Variants in TP53BP1 observed in about 807,000 individuals in gnomAD.
TP53BP1 encodes the protein TP53-binding protein 1.
TP53BP1 carries 61 observed loss-of-function variants against 200.8 expected under a neutral mutation model. The ratio of observed to expected loss-of-function variants is 0.30; its 90% CI spans 0.25 to 0.38. TP53BP1 has a LOEUF of 0.38. Ranked by LOEUF, TP53BP1 falls within the 10% of genes least tolerant of loss-of-function variation. TP53BP1 has a pLI of 1.00. For missense variants in TP53BP1, 2,144 were observed against 2,371.9 expected (o/e 0.90, Z 2.00); for synonymous variants, 822 against 844.3 (o/e 0.97, Z 0.46).
rs2044931516 is a variant in TP53BP1 at position 43,407,252 on chromosome 15, A to G, written c.*131T>C. 2 of 749,800 alleles carry G rather than the reference A, an allele frequency of 2.7e-6. No individual in the cohort carries two copies. Among genetic ancestry groups the G allele is most frequent in the African/African-American group, 3.5e-5 (2 of 56,658 alleles). The allele number at this position is 749,800 out of a possible 1,614,324, so 46.4% of individuals were successfully genotyped here. A position where few individuals can be genotyped will look rare whatever the true frequency, so the allele number is the denominator to read the frequency against. ...AGAGATTCAACATTTATTTTATCAT[A>G]AAAGTTCAGCAAATAAAACTATATA... On this transcript the variant is annotated 3_prime_UTR_variant, in exon 28 of 28. Coordinates refer to ENST00000382044, the MANE Select transcript of TP53BP1 (RefSeq NM_001141980.3).
rs957199887 is a variant in TP53BP1 at position 43,456,253 on chromosome 15, C to G, written c.2355G>C (p.Lys785Asn). 1 of 1,614,174 alleles carries G rather than the reference C, an allele frequency of 6.2e-7. No individual in the cohort carries two copies. Among genetic ancestry groups the G allele is most frequent in the East Asian group, 2.2e-5 (1 of 44,880 alleles). ...CCTCCCATGACTGGGAATCTGAGCA[C>G]TTCTCCACTCCCTCCAAAGGTTCAC... ...VSCEPLEGVE[K>N]CSDSQSWEDI... Residue 785 changes from lysine to asparagine, a missense_variant, in exon 12 of 28, where the codon AAG becomes AAC. Physicochemically the swap from Lys to Asn is moderately conservative, Grantham distance 94. This residue lies in a region of TP53BP1 where 1,700 missense variants were observed against 1,710.3 expected (regional missense o/e 0.99). Transcript: ENST00000382044.
At chr15:43,492,903 C>CG in intron 1 of TP53BP1, 134 bp downstream of exon 1, 1 of 998,482 alleles carries the variant, frequency 1.0e-6, no homozygotes, top group Non-Finnish European at 1.5e-6. Flanking sequence ...CCACCCCCTC[C>CG]TTAGGGCCCT....
chr15:43,436,351 A>G (rs1184424612), intron 16 of TP53BP1, among the ~76,000 whole-genome samples: 1 of 152,164 alleles, frequency 6.6e-6, no homozygotes, highest in African/African-American at 2.4e-5. Flanking sequence ...GAAATCACTG[A>G]ATTTTAGAGG....
intron 1 of TP53BP1, among the ~76,000 whole-genome samples, chr15:43,508,961 T>C (rs866089624): frequency 2.0e-5 from 3 of 152,164 alleles, no homozygotes; most frequent in Non-Finnish European, 4.4e-5. Context: ...TATTGTCTAG[T>C]CTCTTTGTGA....
intron 4 of TP53BP1, among the ~76,000 whole-genome samples, chr15:43,483,401 T>TA (rs2079002373): frequency 6.6e-6 from 1 of 152,122 alleles, no homozygotes; most frequent in African/African-American, 2.4e-5. Context: ...TCAGCAAACA[T>TA]ACACTTTTAC....
In TP53BP1 at chr15:43,406,709, T is replaced by C. The variant is rs1268665431; in HGVS notation, c.*674A>G. ...CCAGCTATTGTGACAATAATAATAATAATAATATTGGGTCTTTGACTAGAA... is the reference window on the plus strand; with the variant it reads ...CCAGCTATTGTGACAATAATAATAACAATAATATTGGGTCTTTGACTAGAA... On this transcript the variant is annotated 3_prime_UTR_variant, in exon 28 of 28. Coordinates refer to ENST00000382044, the MANE Select transcript of TP53BP1 (RefSeq NM_001141980.3). 7.0e-6 allele frequency: 3 copies of C among 430,546 alleles called. No individual in the cohort carries two copies. The highest frequency in any genetic ancestry group is 1.4e-5 in the Non-Finnish European group (3 of 218,510). The allele number at this position is 430,546 out of a possible 1,614,324, so 26.7% of individuals were successfully genotyped here.
rs761345566 is a variant in TP53BP1 at position 43,403,811 on chromosome 15, T to G, written c.*3572A>C. On this transcript the variant is annotated 3_prime_UTR_variant, in exon 28 of 28. Transcript: ENST00000382044. ...GCATTCTCGTGAAGGTGCGTCTGCCTGGAAGTATGCAGCCTTGCCGAAAGG... is the reference window on the plus strand; with the variant it reads ...GCATTCTCGTGAAGGTGCGTCTGCCGGGAAGTATGCAGCCTTGCCGAAAGG... 55 of 1,596,104 alleles carry G rather than the reference T, an allele frequency of 3.4e-5. No individual in the cohort carries two copies. The highest frequency in any genetic ancestry group is 1.0e-4 in the Admixed American group (6 of 59,968).
rs536198664 is a variant in TP53BP1, at chr15:43,461,032, A to G, written c.1390-3814T>C. On this transcript the variant is annotated intron_variant, in intron 11 of 27. Coordinates refer to ENST00000382044, the MANE Select transcript of TP53BP1 (RefSeq NM_001141980.3). ...AGGAAAAAAAAAAAAAAGGTTCAAC[A>G]TTTCTAAATGGCAATTTAGCAAAAC... 2.6e-5 allele frequency among the ~76,000 whole-genome samples: 4 copies of G among 152,052 alleles called. No individual in the cohort carries two copies. In the East Asian group the frequency reaches 5.8e-4, roughly 22 times the overall value.
chr15:43,488,552 C>T (rs764734503), intron 4 of TP53BP1, among the ~76,000 whole-genome samples: 5 of 152,074 alleles, frequency 3.3e-5, no homozygotes, highest in East Asian at 1.9e-4. Context: ...AATACACACA[C>T]GCATACACAC....
At chr15:43,414,138 GA>G (rs1238105058) in intron 23 of TP53BP1, 6 of 470,348 alleles carry the variant, frequency 1.3e-5, no homozygotes. Flanking sequence ...CCAGGAGCAA[GA>G]AAACAGTCTC....
intron 10 of TP53BP1, among the ~76,000 whole-genome samples, chr15:43,474,228 C>G (rs372807735): frequency 6.6e-6 from 1 of 152,160 alleles, no homozygotes; most frequent in Admixed American, 6.5e-5. Context: ...CCGCAAGCGC[C>G]GCGCACAGCC....
At chr15:43,419,374 T>G (rs1184834350) in intron 21 of TP53BP1, among the ~76,000 whole-genome samples, 1 of 152,052 alleles carries the variant, frequency 6.6e-6, no homozygotes, top group Non-Finnish European at 1.5e-5. Flanking sequence ...GCATATTTTT[T>G]TTTAAGAGAC....
intron 15 of TP53BP1, among the ~76,000 whole-genome samples, chr15:43,439,822 T>C (rs2045884727): frequency 1.3e-5 from 2 of 152,238 alleles, no homozygotes; most frequent in Admixed American, 1.3e-4. Flanking sequence ...ACATACTCTG[T>C]TCCCTCTGAA....
At chr15:43,471,140 T>C (rs376229017) in intron 10 of TP53BP1, among the ~76,000 whole-genome samples, 192 of 152,174 alleles carry the variant, frequency 1.3e-3, no homozygotes, top group Non-Finnish European at 2.0e-3. Context: ...AAAAAGCACA[T>C]ATAGTTTCAC....
At chr15:43,415,888 G>A in intron 22 of TP53BP1, 79 bp from the exon 23 acceptor site, 2 of 1,178,316 alleles carry the variant, frequency 1.7e-6, no homozygotes, top group Non-Finnish European at 2.5e-6. Flanking sequence ...GGCAGACCCT[G>A]ATTCAGACAC....
intron 18 of TP53BP1, among the ~76,000 whole-genome samples, chr15:43,426,673 G>A (rs113177018): frequency 0.018 from 2,752 of 151,698 alleles, 42 homozygotes; most frequent in African/African-American, 0.04. Context: ...CCTCCTACAC[G>A]GCCAGCAGAT....
At chr15:43,474,561 T>C (rs1044175864) in intron 10 of TP53BP1, 112 bp downstream of exon 10, 5 of 632,348 alleles carry the variant, frequency 7.9e-6, no homozygotes, top group Non-Finnish European at 1.1e-5. Flanking sequence ...TCCTACCGAA[T>C]TGTGTAGGTC....
chr15:43,463,815 G>C (rs2601014), intron 11 of TP53BP1, among the ~76,000 whole-genome samples: 31,617 of 151,988 alleles, frequency 0.21, 5,140 homozygotes, highest in African/African-American at 0.45. Flanking sequence ...AGGACTGGCA[G>C]ACAAGAGGCA....
In TP53BP1 at chr15:43,404,597, T is replaced by G; in HGVS notation, c.*2786A>C. 6.2e-7 allele frequency: 1 copy of G among 1,600,166 alleles called. No individual in the cohort carries two copies. Among genetic ancestry groups the G allele is most frequent in the Non-Finnish European group, 8.5e-7 (1 of 1,172,580 alleles). ...AACTCAGTAGACTTTTTAAGGTGGC[T>G]TTTTAATGAGTTGTAGAATTCTAGA... On this transcript the variant is annotated 3_prime_UTR_variant, in exon 28 of 28. Coordinates refer to ENST00000382044, the MANE Select transcript of TP53BP1 (RefSeq NM_001141980.3).
Sources: gnomAD v4.1 joint callset for allele counts (sites outside exome capture counted in the v4.1 genomes callset) on GRCh38, gnomAD v4.1.1 for gene constraint, gnomAD v4.1.1 regional missense constraint, MANE v1.5 for transcripts, NCBI Gene and HGNC (gene_info 2026-07-23, HGNC 2026-07-21) for gene names.